Variants in IGF2BP3 observed in about 807,000 individuals in gnomAD.
IGF2BP3 encodes the protein insulin like growth factor 2 mRNA binding protein 3.
In IGF2BP3, 9 loss-of-function variants were observed where a neutral mutation model predicts 73.8. The ratio of observed to expected loss-of-function variants is 0.12; its 90% CI spans 0.07 to 0.21. The LOEUF (loss-of-function observed/expected upper bound fraction) is 0.21, where lower values mean the gene tolerates loss of function less well. IGF2BP3 is among the 10% of genes least tolerant of loss of function. The probability of loss-of-function intolerance (pLI) is 1.00; values close to 1 mark genes in which losing one functional copy is unlikely to be tolerated. For synonymous variants in IGF2BP3, 258 were observed against 256.7 expected (o/e 1.01, Z -0.05); for missense variants, 542 against 714.0 (o/e 0.76, Z 2.75).
At chr7:23,434,227 C>G (rs532592565) in intron 2 of IGF2BP3, among the ~76,000 whole-genome samples, 1 of 151,820 alleles carries the variant, frequency 6.6e-6, no homozygotes, top group Non-Finnish European at 1.5e-5. Flanking sequence ...ATTTTGAATA[C>G]GGGGTATGTC....
intron 3 of IGF2BP3, chr7:23,362,663 T>C (rs1010569000): frequency 6.6e-6 from 1 of 152,236 alleles, no homozygotes; most frequent in South Asian, 2.1e-4. Context: ...CAGGTGTCCT[T>C]AGCTTCTAAG....
intron 3 of IGF2BP3, among the ~76,000 whole-genome samples, chr7:23,409,893 G>T (rs1189272399): frequency 1.3e-5 from 2 of 152,168 alleles, no homozygotes; most frequent in Non-Finnish European, 2.9e-5. Flanking sequence ...TTTTGGCCAG[G>T]TGCGATGGCT....
chr7:23,317,631 G>A lies in IGF2BP3; in HGVS notation c.1395+8C>T, dbSNP rs2128492225. 6.2e-7 allele frequency: 1 copy of A among 1,611,254 alleles called. No individual in the cohort carries two copies. Among genetic ancestry groups the A allele is most frequent in the East Asian group, 2.2e-5 (1 of 44,874 alleles). On this transcript the variant is annotated splice_region_variant and intron_variant, in intron 12 of 14. Coordinates refer to ENST00000258729, the MANE Select transcript of IGF2BP3 (RefSeq NM_006547.3). Reference sequence around the variant, plus strand: ...CTGTGGACATAGCACATACTCTAGAGCACATACCTTGAACTGAGCCTCTGG... The same window carrying A: ...CTGTGGACATAGCACATACTCTAGAACACATACCTTGAACTGAGCCTCTGG...
intron 3 of IGF2BP3, among the ~76,000 whole-genome samples, chr7:23,371,114 G>A (rs761696939): frequency 3.9e-5 from 6 of 151,942 alleles, no homozygotes; most frequent in Admixed American, 6.6e-5. Context: ...AATGCAAAGC[G>A]GGATATTTAA....
intron 2 of IGF2BP3, among the ~76,000 whole-genome samples, chr7:23,436,535 C>G (rs766205127): frequency 5.9e-5 from 9 of 152,084 alleles, no homozygotes; most frequent in African/African-American, 2.2e-4. Context: ...AAGTCACCAT[C>G]GACACAAATG....
intron 10 of IGF2BP3, among the ~76,000 whole-genome samples, chr7:23,327,334 G>C (rs1220052901): frequency 6.8e-6 from 1 of 146,154 alleles, no homozygotes; most frequent in East Asian, 2.0e-4. Context: ...AGGCTGGAGT[G>C]CAGTGGCGCA....
intron 2 of IGF2BP3, among the ~76,000 whole-genome samples, chr7:23,423,700 A>C (rs2128538035): frequency 6.6e-6 from 1 of 152,260 alleles, no homozygotes; most frequent in African/African-American, 2.4e-5. Flanking sequence ...TCCAGAAACT[A>C]ACATTTCAAA....
rs139737195 is a variant in IGF2BP3 at position 23,438,110 on chromosome 7, G to A, written c.237-19286C>T. Reference sequence around the variant, plus strand: ...CCTGGAGGAAACACTAGAAATTATCGAACTTACTTTCAAATTTTAATTTTT... The same window carrying A: ...CCTGGAGGAAACACTAGAAATTATCAAACTTACTTTCAAATTTTAATTTTT... On this transcript the variant is annotated intron_variant, in intron 2 of 14. Transcript: ENST00000258729. Among the ~76,000 whole-genome samples the A allele has an allele frequency of 5.3e-5, 8 of 152,146 alleles. No homozygotes were observed. In the East Asian group the frequency reaches 1.5e-3, roughly 29 times the overall value.
chr7:23,454,065 C>G (rs776394062), intron 2 of IGF2BP3, among the ~76,000 whole-genome samples: 2 of 152,086 alleles, frequency 1.3e-5, no homozygotes, highest in Non-Finnish European at 2.9e-5. Context: ...TGAGCTCAAG[C>G]GATTCATCCA....
At chr7:23,372,145 C>T (rs1785569660) in intron 3 of IGF2BP3, among the ~76,000 whole-genome samples, 1 of 151,688 alleles carries the variant, frequency 6.6e-6, no homozygotes, top group Non-Finnish European at 1.5e-5. Context: ...ACGATCTTGG[C>T]TCACCGCAAC....
intron 2 of IGF2BP3, among the ~76,000 whole-genome samples, chr7:23,462,208 G>C (rs1368173794): frequency 6.6e-6 from 1 of 152,110 alleles, no homozygotes; most frequent in Non-Finnish European, 1.5e-5. Flanking sequence ...ACTAAGTTTT[G>C]GGGTGGTTTG....
intron 11 of IGF2BP3, chr7:23,317,937 G>A (rs1397438711): frequency 2.9e-5 from 16 of 551,988 alleles, no homozygotes; most frequent in Middle Eastern, 4.9e-4. Flanking sequence ...AGACCTCCAC[G>A]TGCTGTCTCT....
intron 3 of IGF2BP3, among the ~76,000 whole-genome samples, chr7:23,403,545 T>C (rs1786734793): frequency 6.6e-6 from 1 of 152,184 alleles, no homozygotes; most frequent in South Asian, 2.1e-4. Flanking sequence ...CTGATGAAAT[T>C]GGTGCTAAAA....
intron 3 of IGF2BP3, among the ~76,000 whole-genome samples, chr7:23,387,050 G>A (rs1398249863): frequency 1.3e-5 from 2 of 149,824 alleles, no homozygotes; most frequent in Non-Finnish European, 3.0e-5. Flanking sequence ...CTAGCAACAC[G>A]GCAAGACTCT....
At chr7:23,343,444 A>G (rs929129470) in intron 9 of IGF2BP3, among the ~76,000 whole-genome samples, 1 of 152,214 alleles carries the variant, frequency 6.6e-6, no homozygotes, top group Non-Finnish European at 1.5e-5. Flanking sequence ...GAGAGGTACT[A>G]TATTAACCTT....
chr7:23,420,292 C>G (rs1787308281), intron 2 of IGF2BP3, among the ~76,000 whole-genome samples: 1 of 152,142 alleles, frequency 6.6e-6, no homozygotes, highest in Middle Eastern at 3.4e-3. Context: ...ATAGCCAAAC[C>G]CCATCTCTAC....
At chr7:23,340,837 C>T (rs1035299386) in intron 10 of IGF2BP3, among the ~76,000 whole-genome samples, 1 of 149,728 alleles carries the variant, frequency 6.7e-6, no homozygotes, top group Non-Finnish European at 1.5e-5. Context: ...ATATTTCTTT[C>T]TTTTTCTTTT....
At chr7:23,364,620 A>G (rs1017396459) in intron 3 of IGF2BP3, among the ~76,000 whole-genome samples, 5 of 149,650 alleles carry the variant, frequency 3.3e-5, no homozygotes, top group Non-Finnish European at 7.4e-5. Flanking sequence ...CAACCTACTT[A>G]TTTTCTAAAC....
rs953946776 is a variant in IGF2BP3, at chr7:23,351,433, T to C, written c.555A>G (p.Pro185=). The change falls in exon 6 of 15, where the codon CCA becomes CCG. Residue 185 remains proline, a synonymous_variant. Transcript: ENST00000258729. The part of the protein sequence containing the change: ...GQRGSSRQGS[P]GSVSKQKPCD... ...ATGGTTTCTGCTTGGATACGGATCCTGGAGACCCCTGCCTTGAGGAGCCCC... is the reference window on the plus strand; with the variant it reads ...ATGGTTTCTGCTTGGATACGGATCCCGGAGACCCCTGCCTTGAGGAGCCCC... 11 of 1,613,474 alleles carry C rather than the reference T, an allele frequency of 6.8e-6. No homozygotes were observed. Among genetic ancestry groups the C allele is most frequent in the South Asian group, 3.3e-5 (3 of 91,010 alleles).
Sources: allele counts gnomAD v4.1 joint callset (sites outside exome capture counted in the v4.1 genomes callset), GRCh38; gene constraint gnomAD v4.1.1; transcripts MANE v1.5; gene names NCBI Gene and HGNC (gene_info 2026-07-23, HGNC 2026-07-21).